The following ARB2A variants were observed in gnomAD, a reference collection of about 807,000 sequenced individuals.
The protein encoded by ARB2A is ARB2 cotranscriptional regulator A.
At chr5:93,782,011 G>A in the ARB2A span, 1 of 809,044 alleles carries the variant, frequency 1.2e-6, no homozygotes, top group Non-Finnish European at 1.5e-6. Flanking sequence ...TGAGAGTTTG[G>A]AAACACTGGA....
chr5:93,919,367 A>G, the ARB2A span, among the ~76,000 whole-genome samples: 1 of 152,142 alleles, frequency 6.6e-6, no homozygotes, highest in Admixed American at 6.6e-5. Flanking sequence ...TTTCTAGAAG[A>G]GAGAAGAATC....
At chr5:93,861,508 C>T in the ARB2A span, 1 of 152,098 alleles carries the variant, frequency 6.6e-6, no homozygotes. Context: ...TGGGTAGGGT[C>T]ATGTGTTCTT....
the ARB2A span, among the ~76,000 whole-genome samples, chr5:93,715,556 T>C: frequency 6.6e-6 from 1 of 152,076 alleles, no homozygotes; most frequent in African/African-American, 2.4e-5. Context: ...TCAGGGGCTC[T>C]GTGTAATCAA....
At chr5:93,983,148 A>G in the ARB2A span, among the ~76,000 whole-genome samples, 1 of 148,042 alleles carries the variant, frequency 6.8e-6, no homozygotes, top group African/African-American at 2.5e-5. Context: ...CCACATCATT[A>G]TGTTGTTTAT....
the ARB2A span, among the ~76,000 whole-genome samples, chr5:93,752,998 A>T: frequency 1.9e-3 from 296 of 152,310 alleles, 1 homozygote; most frequent in Non-Finnish European, 3.0e-3. Flanking sequence ...AACATCACTT[A>T]AAGGATCAGA....
chr5:93,885,009 T>C, the ARB2A span, among the ~76,000 whole-genome samples: 1 of 151,548 alleles, frequency 6.6e-6, no homozygotes, highest in Non-Finnish European at 1.5e-5. Flanking sequence ...AACATCAATA[T>C]ATGGAAACTA....
the ARB2A span, among the ~76,000 whole-genome samples, chr5:93,777,315 A>T: frequency 2.6e-5 from 4 of 151,576 alleles, no homozygotes; most frequent in African/African-American, 7.3e-5. Context: ...TAATAATAAT[A>T]AAAAAAAATC....
At chr5:94,002,709 T>TAAA in the ARB2A span, among the ~76,000 whole-genome samples, 5 of 150,874 alleles carry the variant, frequency 3.3e-5, no homozygotes, top group African/African-American at 1.2e-4. Flanking sequence ...TCTTTTTTTT[T>TAAA]AAAAAAAAAG....
chr5:93,769,009 G>T, the ARB2A span, among the ~76,000 whole-genome samples: 24 of 152,162 alleles, frequency 1.6e-4, no homozygotes, highest in African/African-American at 5.8e-4. Context: ...AATATACAGT[G>T]ATATTTTAAG....
chr5:93,663,723 T>G, the ARB2A span, among the ~76,000 whole-genome samples: 5 of 152,224 alleles, frequency 3.3e-5, no homozygotes, highest in Non-Finnish European at 5.9e-5. Context: ...TTTGTTCAGG[T>G]CTTGGTGATA....
the ARB2A span, among the ~76,000 whole-genome samples, chr5:93,970,383 C>A: frequency 6.6e-6 from 1 of 151,994 alleles, no homozygotes; most frequent in African/African-American, 2.4e-5. Flanking sequence ...CAAATAAAAT[C>A]TTAGAAAACA....
chr5:93,689,948 G>A, the ARB2A span, among the ~76,000 whole-genome samples: 1 of 152,140 alleles, frequency 6.6e-6, no homozygotes, highest in African/African-American at 2.4e-5. Context: ...GGAAGCCCAA[G>A]GGGTTGAAGA....
At chr5:93,873,549 A>G in the ARB2A span, among the ~76,000 whole-genome samples, 13 of 152,310 alleles carry the variant, frequency 8.5e-5, no homozygotes, top group Non-Finnish European at 1.5e-4. Context: ...ATTTCTGGTA[A>G]TTAAAACAGA....
the ARB2A span, among the ~76,000 whole-genome samples, chr5:93,696,034 G>A: frequency 2.6e-5 from 4 of 152,062 alleles, no homozygotes; most frequent in Non-Finnish European, 2.9e-5. Context: ...GGGGTCTGTC[G>A]GGGGGTGGGG....
chr5:93,733,135 A>C, the ARB2A span: 1 of 151,948 alleles, frequency 6.6e-6, no homozygotes, highest in African/African-American at 2.4e-5. Context: ...ACTTTTTAAA[A>C]AATTTCTGCA....
the ARB2A span, among the ~76,000 whole-genome samples, chr5:93,671,376 C>T: frequency 6.6e-6 from 1 of 151,640 alleles, no homozygotes; most frequent in Non-Finnish European, 1.5e-5. Context: ...AGATAAAAGC[C>T]CAAATGTAAA....
chr5:93,753,794 T>A, the ARB2A span, among the ~76,000 whole-genome samples: 1 of 152,222 alleles, frequency 6.6e-6, no homozygotes, highest in Non-Finnish European at 1.5e-5. Context: ...TGGTTGTAAG[T>A]TCTGGGAGAA....
chr5:93,977,894 T>C, the ARB2A span, among the ~76,000 whole-genome samples: 2,187 of 152,240 alleles, frequency 0.014, 27 homozygotes, highest in Non-Finnish European at 0.023. Context: ...ATCTAGAATC[T>C]GTAAGGTGCT....
At chr5:94,021,469 ACT>A in the ARB2A span, among the ~76,000 whole-genome samples, 1 of 152,156 alleles carries the variant, frequency 6.6e-6, no homozygotes, top group Non-Finnish European at 1.5e-5. Context: ...TGGAAAAAAA[ACT>A]CTGATCAAAG....
Sources: gnomAD v4.1 joint callset for allele counts (sites outside exome capture counted in the v4.1 genomes callset) on GRCh38, gnomAD v4.1.1 for gene constraint, MANE v1.5 for transcripts, NCBI Gene and HGNC (gene_info 2026-07-23, HGNC 2026-07-21) for gene names.